TCTN2: variants seen among roughly 807,000 people sequenced by gnomAD.
TCTN2 encodes tectonic family member 2.
Under a neutral mutation model 83.4 loss-of-function variants are expected in TCTN2, and 66 were observed. That is an observed-to-expected ratio of 0.79 (90% CI 0.65 to 0.97). The LOEUF is 0.97. Ranked by LOEUF, TCTN2 falls within the 50% of genes least tolerant of loss-of-function variation. The pLI, the probability that TCTN2 is intolerant of heterozygous loss-of-function variation, is 0.00. For synonymous variants in TCTN2, 301 were observed against 326.7 expected (o/e 0.92, Z 0.85); for missense variants, 794 against 858.1 (o/e 0.93, Z 0.93).
intron 13 of TCTN2, among the ~76,000 whole-genome samples, chr12:123,699,490 G>T (rs1279713349): frequency 6.6e-6 from 1 of 151,212 alleles, no homozygotes; most frequent in Non-Finnish European, 1.5e-5. Flanking sequence ...GTAAAAGATT[G>T]CTTCTGTATG....
Position 123,696,512 on chromosome 12 carries a change from A to G in TCTN2, c.1393+17A>G, listed in dbSNP as rs767844832. On this transcript the variant is annotated intron_variant, in intron 12 of 17. Coordinates refer to ENST00000303372, the MANE Select transcript of TCTN2 (RefSeq NM_024809.5). ...GGCAATCGGGTAATCCGGTTTGGTC[A>G]TTATGATTAGCCCTTTGGCAAATTG... The G allele has an allele frequency of 7.5e-6, 12 of 1,607,436 alleles. No individual in the cohort carries two copies. The highest frequency in any genetic ancestry group is 1.7e-4 in the Middle Eastern group (1 of 6,052).
chr12:123,687,093 ATACTCTAG>A (rs1296926997), intron 6 of TCTN2, 58 bp downstream of exon 6: 1 of 1,583,186 alleles, frequency 6.3e-7, no homozygotes, highest in Non-Finnish European at 8.7e-7. Context: ...TGGTGGGGCC[ATACTCTAG>A]TAGGCCCTGC....
At chr12:123,672,238 A>C in intron 3 of TCTN2, 106 bp downstream of exon 3, 1 of 1,029,620 alleles carries the variant, frequency 9.7e-7, no homozygotes, top group Non-Finnish European at 1.5e-6. Context: ...CCATGCTCTC[A>C]ACAATCATGA....
intron 14 of TCTN2, 150 bp from the exon 15 acceptor site, chr12:123,704,382 T>C (rs905717871): frequency 1.7e-5 from 13 of 775,104 alleles, no homozygotes; most frequent in Non-Finnish European, 2.1e-5. Flanking sequence ...AACACAGTTA[T>C]GGAGTGACAA....
rs117416067 is a variant in TCTN2 at position 123,700,840 on chromosome 12, T to G, written c.1612+1030T>G. On this transcript the variant is annotated intron_variant, in intron 14 of 17. Coordinates refer to ENST00000303372, the MANE Select transcript of TCTN2 (RefSeq NM_024809.5). ...GCATGTCCCTGCAGTCCCAGCTACT[T>G]GGGATGCTGAGGAAAGAGGATCGCT... Among the ~76,000 whole-genome samples the G allele has an allele frequency of 2.4e-3, 359 of 152,286 alleles. 10 individuals are homozygous for G. The East Asian group carries it at 0.062, about 26-fold the overall frequency.
chr12:123,673,506 T>G, intron 3 of TCTN2, 109 bp from the exon 4 acceptor site: 1 of 1,106,832 alleles, frequency 9.0e-7, no homozygotes, highest in Admixed American at 1.9e-5. Flanking sequence ...CATTTCCCTT[T>G]TATAAAATGA....
intron 5 of TCTN2, among the ~76,000 whole-genome samples, chr12:123,681,771 T>G (rs1412137194): frequency 6.6e-6 from 1 of 152,162 alleles, no homozygotes; most frequent in Non-Finnish European, 1.5e-5. Context: ...GTGGAGTTGC[T>G]GGGTTGCGTT....
chr12:123,685,766 C>A (rs1336557578), intron 5 of TCTN2, among the ~76,000 whole-genome samples: 1 of 147,570 alleles, frequency 6.8e-6, no homozygotes, highest in African/African-American at 2.5e-5. Flanking sequence ...TGTTCTGTTG[C>A]CCAGGCTGGA....
chr12:123,705,043 A>G (rs1956213737), intron 15 of TCTN2, among the ~76,000 whole-genome samples: 1 of 152,192 alleles, frequency 6.6e-6, no homozygotes, highest in Non-Finnish European at 1.5e-5. Context: ...GATAGGTTCA[A>G]ATCATGGCTG....
Position 123,671,159 on chromosome 12 carries a change from C to T in TCTN2, c.-82C>T. The T allele has an allele frequency of 1.5e-6, 2 of 1,349,400 alleles. No homozygotes were observed. The highest frequency in any genetic ancestry group is 1.0e-6 in the Non-Finnish European group (1 of 970,022). The allele number at this position is 1,349,400 out of a possible 1,614,324, so 83.6% of individuals were successfully genotyped here. A position where few individuals can be genotyped will look rare whatever the true frequency, so the allele number is the denominator to read the frequency against. On this transcript the variant is annotated 5_prime_UTR_variant, in exon 1 of 18. Transcript: ENST00000303372. Reference sequence around the variant, plus strand: ...CAAGATGGCGGCGGCGGGGCAGTGGCTGCTGCGTTTTCGTGTCTGAGTCCT... The same window carrying T: ...CAAGATGGCGGCGGCGGGGCAGTGGTTGCTGCGTTTTCGTGTCTGAGTCCT...
At chr12:123,673,915 G>A in intron 4 of TCTN2, 105 bp downstream of exon 4, 1 of 1,072,500 alleles carries the variant, frequency 9.3e-7, no homozygotes, top group Non-Finnish European at 1.4e-6. Context: ...CTATAAATGA[G>A]CTGCCCGGGA....
At chr12:123,698,631 G>A (rs564136019) in intron 13 of TCTN2, among the ~76,000 whole-genome samples, 3 of 151,864 alleles carry the variant, frequency 2.0e-5, no homozygotes, top group African/African-American at 7.3e-5. Flanking sequence ...GGGTTTCACC[G>A]TGTTGCTCAG....
chr12:123,688,078 A>G lies in TCTN2; in HGVS notation c.792A>G (p.Glu264=), dbSNP rs746569289. Residue 264 remains glutamate (E), a synonymous_variant, in exon 7 of 18, where the codon GAA becomes GAG. Coordinates refer to ENST00000303372, the MANE Select transcript of TCTN2 (RefSeq NM_024809.5). The part of the protein sequence containing the change: ...AVSPKQDSSF[E]VYVDTDAKDF... ...CCCCCAAACAGGACTCTTCCTTTGA[A>G]GTATATGTGGATACTGACGCAAAAG... 3 of 1,614,050 alleles carry G rather than the reference A, an allele frequency of 1.9e-6. No individual in the cohort carries two copies. The highest frequency in any genetic ancestry group is 2.2e-5 in the South Asian group (2 of 91,084).
intron 2 of TCTN2, 23 bp from the exon 3 acceptor site, chr12:123,672,033 G>T: frequency 3.7e-6 from 6 of 1,610,680 alleles, no homozygotes; most frequent in Non-Finnish European, 5.1e-6. Context: ...TGCTGCCTTT[G>T]CATGCTGGTC....
At chr12:123,706,928 A>G in intron 16 of TCTN2, 57 bp from the exon 17 acceptor site, 1 of 1,613,722 alleles carries the variant, frequency 6.2e-7, no homozygotes, top group Admixed American at 1.7e-5. Flanking sequence ...TATTCCTTTA[A>G]TCAAGTTCTG....
chr12:123,704,376 C>G (rs375842638), intron 14 of TCTN2, among the ~76,000 whole-genome samples, 156 bp from the exon 15 acceptor site: 1 of 152,156 alleles, frequency 6.6e-6, no homozygotes, highest in Non-Finnish European at 1.5e-5. Context: ...AGGGATAACA[C>G]AGTTATGGAG....
In TCTN2 at chr12:123,686,859, G is replaced by A. The variant is rs201545344; in HGVS notation, c.588G>A (p.Thr196=). ...AGGAATGCTCATCAAATTTAACAAC[G>A]CTGTTCAGACGGTCCTGCTTCACCG... ...CDQECSSNLT[T]LFRRSCFTGV... is the part of the protein sequence containing the mutation. Residue 196 remains threonine (T), a synonymous_variant, in exon 6 of 18, where the codon ACG becomes ACA. Coordinates refer to ENST00000303372, the MANE Select transcript of TCTN2 (RefSeq NM_024809.5). 1.7e-4 allele frequency: 270 copies of A among 1,614,120 alleles called. No individual in the cohort carries two copies. The highest frequency in any genetic ancestry group is 2.2e-4 in the Non-Finnish European group (264 of 1,180,032).
intron 5 of TCTN2, among the ~76,000 whole-genome samples, chr12:123,683,040 A>G (rs2135828680): frequency 6.6e-6 from 1 of 151,278 alleles, no homozygotes; most frequent in East Asian, 2.1e-4. Flanking sequence ...CCTGGCCAAC[A>G]TGGTGAAACC....
Position 123,686,976 on chromosome 12 carries a change from G to C in TCTN2, c.705G>C (p.Leu235=), listed in dbSNP as rs889280882. The change falls in exon 6 of 18, where the codon CTG becomes CTC. Residue 235 remains leucine (L), a synonymous_variant. Coordinates refer to ENST00000303372, the MANE Select transcript of TCTN2 (RefSeq NM_024809.5). ...TRGVPDWFPF[L]CVQSPLANTP... is the part of the protein sequence containing the mutation. ...GTGTCCCCGATTGGTTTCCCTTTCTGTGTGTGCAGTCCCCCCTTGCCAACA... is the reference window on the plus strand; with the variant it reads ...GTGTCCCCGATTGGTTTCCCTTTCTCTGTGTGCAGTCCCCCCTTGCCAACA... The C allele has an allele frequency of 1.9e-6, 3 of 1,614,162 alleles. No individual in the cohort carries two copies. The Admixed American group carries it at 5.0e-5, about 27-fold the overall frequency.
Sources: gnomAD v4.1 joint callset for allele counts (sites outside exome capture counted in the v4.1 genomes callset) on GRCh38, gnomAD v4.1.1 for gene constraint, MANE v1.5 for transcripts, NCBI Gene and HGNC (gene_info 2026-07-23, HGNC 2026-07-21) for gene names.